FLT1: variants seen among roughly 807,000 people sequenced by gnomAD.
FLT1 encodes fms related receptor tyrosine kinase 1.
FLT1 carries 49 observed loss-of-function variants against 156.3 expected under a neutral mutation model. The observed-to-expected ratio is 0.31, with a 90% CI of 0.25 to 0.40. FLT1 has a LOEUF of 0.40. Ranked by LOEUF, FLT1 falls within the 10% of genes least tolerant of loss-of-function variation. FLT1 has a pLI of 1.00. For missense variants in FLT1, 1,322 were observed against 1,637.2 expected (o/e 0.81, Z 3.32); for synonymous variants, 594 against 583.8 (o/e 1.02, Z -0.25).
In FLT1 at chr13:28,322,676, T is replaced by A; in HGVS notation, c.2953+114A>T. On this transcript the variant is annotated intron_variant, in intron 21 of 29. Transcript: ENST00000282397. The surrounding 1 kb of genome is among the most constrained non-coding windows in gnomAD (Gnocchi z 4.3). Reference sequence around the variant, plus strand: ...ATCTTATCTCCTCAGGACATTACCATTCGAGTCTCCCACGGATGTTTATTA... The same window carrying A: ...ATCTTATCTCCTCAGGACATTACCAATCGAGTCTCCCACGGATGTTTATTA... The A allele has an allele frequency of 1.1e-6, 1 of 944,718 alleles. No homozygotes were observed. Among genetic ancestry groups the A allele is most frequent in the East Asian group, 2.4e-5 (1 of 42,012 alleles). 58.5% of individuals were successfully genotyped at this position (944,718 alleles called of 1,614,324 possible). A position where few individuals can be genotyped will look rare whatever the true frequency, so the allele number is the denominator to read the frequency against.
chr13:28,457,933 C>CTTTTTTTTTTTTTT (rs894090277), intron 3 of FLT1, among the ~76,000 whole-genome samples: 23 of 114,174 alleles, frequency 2.0e-4, no homozygotes, highest in African/African-American at 8.2e-4. Context: ...CTTTCCTTTT[C>CTTTTTTTTTTTTTT]TTTTTTTTTT....
At chr13:28,324,406 G>A (rs928532829) in intron 20 of FLT1, among the ~76,000 whole-genome samples, 3 of 152,178 alleles carry the variant, frequency 2.0e-5, no homozygotes, top group Admixed American at 6.5e-5. Flanking sequence ...CACAGTGGGA[G>A]CAAGCAGAGC....
At chr13:28,376,977 AC>A (rs1156600405) in intron 14 of FLT1, among the ~76,000 whole-genome samples, 2 of 152,110 alleles carry the variant, frequency 1.3e-5, no homozygotes. Flanking sequence ...CTGTCCATGT[AC>A]CCCTAGGAAT....
At chr13:28,396,246 G>A (rs960076101) in intron 12 of FLT1, among the ~76,000 whole-genome samples, 30 of 152,130 alleles carry the variant, frequency 2.0e-4, no homozygotes, top group African/African-American at 4.6e-4. Flanking sequence ...AGCCTGCCCC[G>A]GGCAGTGAGA....
chr13:28,399,489 CA>C (rs1176674099), intron 11 of FLT1, among the ~76,000 whole-genome samples: 4 of 152,054 alleles, frequency 2.6e-5, no homozygotes, highest in Admixed American at 1.3e-4. Context: ...CAACCGAGAA[CA>C]AGAACTGGGT....
chr13:28,436,063 G>GT (rs1878005790), intron 4 of FLT1, among the ~76,000 whole-genome samples: 1 of 152,232 alleles, frequency 6.6e-6, no homozygotes, highest in Admixed American at 6.5e-5. Flanking sequence ...TTCCTCCGAA[G>GT]TGTTTCTCTT....
intron 3 of FLT1, among the ~76,000 whole-genome samples, chr13:28,440,285 G>C (rs1180310273): frequency 6.6e-6 from 1 of 152,148 alleles, no homozygotes; most frequent in East Asian, 1.9e-4. Context: ...TGAGTGAACG[G>C]GTATCCAACC....
intron 13 of FLT1, chr13:28,387,599 T>C (rs1206854114): frequency 3.8e-6 from 4 of 1,064,710 alleles, no homozygotes; most frequent in Non-Finnish European, 4.6e-6. Flanking sequence ...CCAGGTCACA[T>C]AAATACACAG....
At chr13:28,320,378 G>T (rs1486755377) in intron 23 of FLT1, among the ~76,000 whole-genome samples, 11 of 152,054 alleles carry the variant, frequency 7.2e-5, no homozygotes, top group Non-Finnish European at 1.3e-4. Flanking sequence ...ACAGATTCTG[G>T]TGCAGTGGCT....
intron 1 of FLT1, among the ~76,000 whole-genome samples, chr13:28,472,086 G>A (rs1880209673): frequency 6.6e-6 from 1 of 152,042 alleles, no homozygotes; most frequent in Non-Finnish European, 1.5e-5. Flanking sequence ...TTTCTGTTCT[G>A]TATTATCTGG....
chr13:28,388,348 G>A (rs1191543122), intron 13 of FLT1: 2 of 1,057,958 alleles, frequency 1.9e-6, no homozygotes, highest in Non-Finnish European at 2.3e-6. Context: ...CCTAAAGGAG[G>A]AAACAGTCTG....
rs116593277 is a variant in FLT1 at position 28,361,710 on chromosome 13, G to T, written c.2117-4025C>A. Among the ~76,000 whole-genome samples, 538 of 152,308 alleles carry T rather than the reference G, an allele frequency of 3.5e-3. 2 individuals are homozygous for T. The highest frequency in any genetic ancestry group is 0.012 in the African/African-American group (513 of 41,576). On this transcript the variant is annotated intron_variant, in intron 14 of 29. Transcript: ENST00000282397. The stretch of plus-strand genomic sequence containing the variant: ...TAAAAAATTAAAAACACAAAACTTT[G>T]CTGATTTGATAGATGAAAATGATTG...
At chr13:28,316,572 T>C (rs1309214930) in intron 25 of FLT1, among the ~76,000 whole-genome samples, 1 of 151,800 alleles carries the variant, frequency 6.6e-6, no homozygotes, top group Non-Finnish European at 1.5e-5. Context: ...AAGCCTCACA[T>C]GGACACCCGA....
At chr13:28,368,088 G>T in intron 14 of FLT1, 1 of 705,732 alleles carries the variant, frequency 1.4e-6, no homozygotes, top group Non-Finnish European at 1.7e-6. Context: ...CTCAGAGTAG[G>T]CAATTAATGC....
intron 14 of FLT1, among the ~76,000 whole-genome samples, chr13:28,379,302 C>T (rs554006032): frequency 3.3e-5 from 5 of 152,244 alleles, no homozygotes; most frequent in African/African-American, 9.6e-5. Context: ...CCACTGCACT[C>T]CAGCTTGAGC....
intron 11 of FLT1, among the ~76,000 whole-genome samples, chr13:28,403,685 T>C (rs1014352780): frequency 2.0e-5 from 3 of 152,264 alleles, no homozygotes; most frequent in African/African-American, 7.2e-5. Context: ...CTTGACATTT[T>C]TCTAGTACTT....
intron 13 of FLT1, chr13:28,386,464 CA>C: frequency 9.6e-7 from 1 of 1,045,092 alleles, no homozygotes; most frequent in Non-Finnish European, 1.2e-6. Context: ...AATCTGAAGG[CA>C]AAAAAGTGTG....
chr13:28,325,796 C>G (rs1165164993), intron 20 of FLT1, among the ~76,000 whole-genome samples: 1 of 107,730 alleles, frequency 9.3e-6, no homozygotes, highest in Non-Finnish European at 1.7e-5. Flanking sequence ...GCCTGACTGA[C>G]AGAGAGAGAA....
intron 3 of FLT1, among the ~76,000 whole-genome samples, chr13:28,446,481 A>G (rs1228229498): frequency 6.6e-6 from 1 of 152,258 alleles, no homozygotes; most frequent in Non-Finnish European, 1.5e-5. Flanking sequence ...AATGTACAAA[A>G]TGAATTATAT....
Sources: gnomAD v4.1 joint callset for allele counts (sites outside exome capture counted in the v4.1 genomes callset) on GRCh38, gnomAD v4.1.1 for gene constraint, Gnocchi (gnomAD v3.1) non-coding constraint, MANE v1.5 for transcripts, NCBI Gene and HGNC (gene_info 2026-07-23, HGNC 2026-07-21) for gene names.